Variants in MGAT4C observed in about 807,000 individuals in gnomAD.
MGAT4C encodes the protein alpha-1,3-mannosyl-glycoprotein 4-beta-N-acetylglucosaminyltransferase C.
A neutral mutation model predicts 40.1 loss-of-function variants in MGAT4C; 19 were observed. The ratio of observed to expected loss-of-function variants is 0.47; its 90% CI spans 0.33 to 0.70. The LOEUF (loss-of-function observed/expected upper bound fraction) is 0.70. Ranked by LOEUF, MGAT4C falls within the 30% of genes least tolerant of loss-of-function variation. The pLI is 0.02. For missense variants in MGAT4C, 491 were observed against 563.2 expected (o/e 0.87, Z 1.30); for synonymous variants, 181 against 187.1 (o/e 0.97, Z 0.27).
chr12:86,156,420 T>G (rs532424694), intron 1 of MGAT4C, among the ~76,000 whole-genome samples: 21 of 152,216 alleles, frequency 1.4e-4, no homozygotes, highest in African/African-American at 4.8e-4. Context: ...TGTCCCAGGT[T>G]CAAGCGATTC....
At chr12:86,339,367 G>T (rs1036154414) in intron 3 of MGAT4C, among the ~76,000 whole-genome samples, 1 of 152,046 alleles carries the variant, frequency 6.6e-6, no homozygotes. Context: ...AAACTATGTC[G>T]GCAAGGTAGA....
intron 3 of MGAT4C, among the ~76,000 whole-genome samples, chr12:86,402,020 T>A (rs1365876414): frequency 2.6e-5 from 4 of 152,136 alleles, no homozygotes; most frequent in Admixed American, 6.5e-5. Flanking sequence ...TGATAGTTAA[T>A]GCCATATTCT....
intron 2 of MGAT4C, among the ~76,000 whole-genome samples, chr12:86,467,665 T>C (rs1303284265): frequency 6.6e-6 from 1 of 152,154 alleles, no homozygotes; most frequent in Non-Finnish European, 1.5e-5. Context: ...ATTTAATGAA[T>C]TGATAACAGC....
chr12:86,831,082 C>T (rs1952917535), intron 1 of MGAT4C, among the ~76,000 whole-genome samples: 1 of 151,734 alleles, frequency 6.6e-6, no homozygotes, highest in Non-Finnish European at 1.5e-5. Context: ...CCAGCCCACC[C>T]CCTGCCGACC....
chr12:86,100,504 A>G (rs1280679741), intron 1 of MGAT4C, among the ~76,000 whole-genome samples: 1 of 151,364 alleles, frequency 6.6e-6, no homozygotes, highest in Non-Finnish European at 1.5e-5. Context: ...CCTGCCCCCA[A>G]TGCCCACCAC....
At position 86,603,199 on chromosome 12, in the gene MGAT4C, T is replaced by G. The variant is rs144516955; in HGVS notation, c.-229+124010A>C. Among the ~76,000 whole-genome samples, 85 of 145,612 alleles carry G rather than the reference T, an allele frequency of 5.8e-4. 2 individuals carry two copies. Among genetic ancestry groups the G allele is most frequent in the Admixed American group, 5.2e-3 (74 of 14,100 alleles). ...CATGATGACTATACTATATTCTATA[T>G]AGAATAATACTATATAGTATAATAT... is the stretch of plus-strand genomic sequence containing the variant. On this transcript the variant is annotated intron_variant, in intron 2 of 7. Coordinates refer to the MGAT4C transcript ENST00000548651.
intron 1 of MGAT4C, among the ~76,000 whole-genome samples, chr12:86,757,599 G>T (rs1951327555): frequency 6.6e-6 from 1 of 152,048 alleles, no homozygotes. Context: ...GAAAATGTTT[G>T]TTCCAGGTGA....
At chr12:86,380,860 A>T (rs1289288076) in intron 3 of MGAT4C, among the ~76,000 whole-genome samples, 4 of 152,196 alleles carry the variant, frequency 2.6e-5, no homozygotes, top group Admixed American at 6.5e-5. Flanking sequence ...AAATCTTGAA[A>T]ATATAATTCA....
intron 3 of MGAT4C, among the ~76,000 whole-genome samples, chr12:86,421,719 G>T (rs948521305): frequency 2.0e-5 from 3 of 152,212 alleles, no homozygotes; most frequent in African/African-American, 7.2e-5. Context: ...GGAAATTGCA[G>T]TGAGCCGAGA....
At chr12:86,392,213 T>C (rs1956172522) in intron 3 of MGAT4C, among the ~76,000 whole-genome samples, 1 of 152,170 alleles carries the variant, frequency 6.6e-6, no homozygotes, top group Non-Finnish European at 1.5e-5. Flanking sequence ...GGCTCAGTCC[T>C]GTAATCCCAG....
intron 2 of MGAT4C, chr12:86,022,412 T>A (rs1011981319): frequency 6.6e-6 from 1 of 152,338 alleles, no homozygotes; most frequent in East Asian, 1.9e-4. Context: ...TAAAGATTAA[T>A]TTAAAGTCCA....
At chr12:86,366,632 C>A (rs1955603073) in intron 3 of MGAT4C, among the ~76,000 whole-genome samples, 1 of 152,052 alleles carries the variant, frequency 6.6e-6, no homozygotes. Flanking sequence ...TGCTCACTAC[C>A]CGGATGACGA....
At chr12:86,673,931 C>A (rs1349359937) in intron 2 of MGAT4C, among the ~76,000 whole-genome samples, 1 of 151,848 alleles carries the variant, frequency 6.6e-6, no homozygotes, top group Admixed American at 6.6e-5. Context: ...TTATTTAAAT[C>A]ACTCTGTACC....
intron 1 of MGAT4C, among the ~76,000 whole-genome samples, chr12:86,201,421 T>A (rs917829564): frequency 1.4e-5 from 2 of 145,384 alleles, no homozygotes; most frequent in Non-Finnish European, 3.0e-5. Flanking sequence ...ATAAGCCTTA[T>A]AATATTTTAT....
At position 86,034,736 on chromosome 12, in the gene MGAT4C, G is replaced by A. The variant is rs1006439908; in HGVS notation, c.-7+14938C>T. ...TAATGCTATCCCTACCCTAGCCCCC[G>A]ACACCCCAACAGGTTCCGGTGTGTG... On this transcript the variant is annotated intron_variant, in intron 2 of 4. Coordinates refer to ENST00000611864, the MANE Select transcript of MGAT4C (RefSeq NM_001351288.2). Among the ~76,000 whole-genome samples the A allele has an allele frequency of 1.3e-4, 19 of 148,854 alleles. 1 individual carries two copies. Among genetic ancestry groups the A allele is most frequent in the African/African-American group, 4.6e-4 (19 of 41,140 alleles).
intron 2 of MGAT4C, among the ~76,000 whole-genome samples, chr12:86,036,097 T>C (rs1357193215): frequency 6.7e-6 from 1 of 150,020 alleles, no homozygotes; most frequent in African/African-American, 2.4e-5. Flanking sequence ...AAGTAGTTTT[T>C]TCCAATTCTG....
intron 2 of MGAT4C, among the ~76,000 whole-genome samples, chr12:86,011,286 A>T (rs1052097352): frequency 1.1e-4 from 16 of 152,242 alleles, no homozygotes; most frequent in African/African-American, 3.6e-4. Flanking sequence ...TTAGAGACAT[A>T]AGCGCAGGTT....
At chr12:86,668,828 G>C (rs1964179213) in intron 2 of MGAT4C, among the ~76,000 whole-genome samples, 1 of 152,166 alleles carries the variant, frequency 6.6e-6, no homozygotes, top group Admixed American at 6.5e-5. Context: ...ATTAGAGCTA[G>C]TCTGTGTGTG....
intron 1 of MGAT4C, among the ~76,000 whole-genome samples, chr12:86,166,607 G>A (rs1464300043): frequency 6.6e-6 from 1 of 152,194 alleles, no homozygotes; most frequent in Non-Finnish European, 1.5e-5. Flanking sequence ...AGGAGTCAGA[G>A]GTTGCAGTGA....
Sources: gnomAD v4.1 joint callset for allele counts (sites outside exome capture counted in the v4.1 genomes callset) on GRCh38, gnomAD v4.1.1 for gene constraint, MANE v1.5 for transcripts, NCBI Gene and HGNC (gene_info 2026-07-23, HGNC 2026-07-21) for gene names.